Variants in RYR2 observed in about 807,000 individuals in gnomAD.
RYR2 encodes the protein cardiac muscle ryanodine receptor-calcium release channel.
RYR2 carries 227 observed loss-of-function variants against 601.1 expected under a neutral mutation model. That is an observed-to-expected ratio of 0.38 (90% CI 0.34 to 0.42). The LOEUF is 0.42. Ranked by LOEUF, RYR2 falls within the 10% of genes least tolerant of loss-of-function variation. The pLI is 1.00. For missense variants in RYR2, 4,646 were observed against 6,156.5 expected (o/e 0.75, Z 8.21); for synonymous variants, 2,223 against 2,175.1 (o/e 1.02, Z -0.61).
chr1:237,352,248 G>A (rs1038874659), intron 3 of RYR2, among the ~76,000 whole-genome samples: 12 of 151,878 alleles, frequency 7.9e-5, no homozygotes, highest in Middle Eastern at 3.4e-3. Context: ...AATGAGCTTG[G>A]CAAAGTCACA....
At chr1:237,688,347 G>A (rs1242086361) in intron 63 of RYR2, among the ~76,000 whole-genome samples, 1 of 151,510 alleles carries the variant, frequency 6.6e-6, no homozygotes, top group African/African-American at 2.4e-5. Context: ...GACAAGCTAA[G>A]GATTAAAAAA....
chr1:237,492,885 A>AGGGAAGGAAGGAAGGGAGGG, intron 18 of RYR2, 69 bp from the exon 19 acceptor site: 4 of 1,222,720 alleles, frequency 3.3e-6, no homozygotes, highest in Middle Eastern at 2.9e-4. Flanking sequence ...GGAAGGAAGG[A>AGGGAAGGAAGGAAGGGAGGG]AGGGAGGGAG....
chr1:237,425,516 C>T (rs2150069604), intron 12 of RYR2, among the ~76,000 whole-genome samples: 1 of 152,156 alleles, frequency 6.6e-6, no homozygotes, highest in South Asian at 2.1e-4. Flanking sequence ...TGCCTGCAGT[C>T]CCAGCTACTC....
At chr1:237,732,768 A>G (rs1690801794) in intron 78 of RYR2, among the ~76,000 whole-genome samples, 1 of 152,196 alleles carries the variant, frequency 6.6e-6, no homozygotes, top group Non-Finnish European at 1.5e-5. Context: ...ACGGAGGGCA[A>G]TGCATAAATT....
chr1:237,329,457 A>G (rs1315792484), intron 2 of RYR2, among the ~76,000 whole-genome samples: 1 of 152,036 alleles, frequency 6.6e-6, no homozygotes, highest in Non-Finnish European at 1.5e-5. Flanking sequence ...CCTGGCTAAC[A>G]TGGTGAAACC....
intron 1 of RYR2, among the ~76,000 whole-genome samples, chr1:237,121,451 T>G (rs1223615861): frequency 6.6e-6 from 1 of 152,232 alleles, no homozygotes; most frequent in Non-Finnish European, 1.5e-5. Context: ...AGTAAAAATG[T>G]ATTTGCAAGA....
intron 10 of RYR2, among the ~76,000 whole-genome samples, chr1:237,400,194 T>C (rs1378556944): frequency 1.3e-5 from 2 of 152,210 alleles, no homozygotes; most frequent in Non-Finnish European, 2.9e-5. Flanking sequence ...CAAGGGATTT[T>C]TATTATTTGT....
At chr1:237,796,526 G>A (rs1208356982) in intron 96 of RYR2, among the ~76,000 whole-genome samples, 1 of 151,890 alleles carries the variant, frequency 6.6e-6, no homozygotes, top group African/African-American at 2.4e-5. Context: ...TCTTTCTTTT[G>A]GTTTCTTTTA....
intron 2 of RYR2, among the ~76,000 whole-genome samples, chr1:237,276,604 T>G (rs1378938372): frequency 2.0e-5 from 3 of 152,098 alleles, no homozygotes; most frequent in African/African-American, 4.8e-5. Context: ...TAATCAAGGA[T>G]AAAGGGAGTA....
chr1:237,046,126 A>G (rs1240960681), intron 1 of RYR2, among the ~76,000 whole-genome samples: 2 of 152,188 alleles, frequency 1.3e-5, no homozygotes, highest in Non-Finnish European at 2.9e-5. Context: ...CACAATGACA[A>G]GAAGCATCTT....
rs1275046368 is a variant in RYR2, at chr1:237,730,368, G to C, written c.10935+12G>C. ...TAGAAGATTTAGCAGTATGTTTTTA[G>C]TGGGGCTCTAAGATGAAAGAGGGTC... On this transcript the variant is annotated intron_variant, in intron 77 of 104. Transcript: ENST00000366574. 2.1e-6 allele frequency: 3 copies of C among 1,449,498 alleles called. No homozygotes were observed. The highest frequency in any genetic ancestry group is 1.9e-6 in the Non-Finnish European group (2 of 1,030,600). The allele number at this position is 1,449,498 out of a possible 1,614,324, so 89.8% of individuals were successfully genotyped here. A position where few individuals can be genotyped will look rare whatever the true frequency, so the allele number is the denominator to read the frequency against.
In RYR2 at chr1:237,513,628, A is replaced by AACGCACT. The variant is rs1666131581; in HGVS notation, c.2822+1840_2822+1846dup. 2.0e-5 allele frequency among the ~76,000 whole-genome samples: 3 copies of AACGCACT among 152,342 alleles called. No individual in the cohort carries two copies. In the East Asian group the frequency reaches 5.8e-4, roughly 29 times the overall value. ...CACAGTTGTCATAACATCCTAGTGC[A>AACGCACT]ACGCACTACCTTTTCTATATTTAGA... On this transcript the variant is annotated intron_variant, in intron 24 of 104. Coordinates refer to ENST00000366574, the MANE Select transcript of RYR2 (RefSeq NM_001035.3).
intron 35 of RYR2, among the ~76,000 whole-genome samples, chr1:237,604,710 A>C (rs1305041747): frequency 1.3e-5 from 2 of 152,228 alleles, no homozygotes; most frequent in African/African-American, 2.4e-5. Context: ...GAAGAATCAA[A>C]TAGATGCAAT....
intron 24 of RYR2, among the ~76,000 whole-genome samples, chr1:237,518,041 TC>T (rs993724295): frequency 6.6e-6 from 1 of 152,142 alleles, no homozygotes; most frequent in African/African-American, 2.4e-5. Context: ...ACACATCCCT[TC>T]CCTTCACCCA....
intron 1 of RYR2, among the ~76,000 whole-genome samples, chr1:237,051,015 A>AT (rs1168578019): frequency 3.3e-5 from 5 of 151,966 alleles, no homozygotes; most frequent in African/African-American, 7.2e-5. Flanking sequence ...ATTCCACCAT[A>AT]TTTTTTTTCA....
At chr1:237,425,052 G>A (rs937929763) in intron 12 of RYR2, among the ~76,000 whole-genome samples, 1 of 152,074 alleles carries the variant, frequency 6.6e-6, no homozygotes, top group Non-Finnish European at 1.5e-5. Context: ...TCATTATTTA[G>A]AGTGATAATT....
chr1:237,802,546 TG>T (rs1319081650), intron 98 of RYR2, among the ~76,000 whole-genome samples: 4 of 152,156 alleles, frequency 2.6e-5, no homozygotes, highest in African/African-American at 9.7e-5. Flanking sequence ...CATCCAGCCA[TG>T]GGCCCAGAAC....
At chr1:237,199,426 G>A (rs996280048) in intron 1 of RYR2, among the ~76,000 whole-genome samples, 76 of 152,348 alleles carry the variant, frequency 5.0e-4, no homozygotes, top group African/African-American at 1.7e-3. Context: ...GAAGAACTTG[G>A]AGTCTGATGT....
At chr1:237,136,238 G>C (rs1295854335) in intron 1 of RYR2, among the ~76,000 whole-genome samples, 1 of 152,196 alleles carries the variant, frequency 6.6e-6, no homozygotes, top group South Asian at 2.1e-4. Flanking sequence ...GCCATGTAAA[G>C]GGCAAGTGAT....
Sources: allele counts gnomAD v4.1 joint callset (sites outside exome capture counted in the v4.1 genomes callset), GRCh38; gene constraint gnomAD v4.1.1; transcripts MANE v1.5; gene names NCBI Gene and HGNC (gene_info 2026-07-23, HGNC 2026-07-21).